HCN1: variants seen among roughly 807,000 people sequenced by gnomAD.
HCN1 encodes hyperpolarization activated cyclic nucleotide gated potassium channel 1.
A neutral mutation model predicts 78.9 loss-of-function variants in HCN1; 13 were observed. The ratio of observed to expected loss-of-function variants is 0.16; its 90% confidence interval spans 0.11 to 0.26. HCN1 has a LOEUF of 0.26. Ranked by LOEUF, HCN1 falls within the 10% of genes least tolerant of loss-of-function variation. The pLI, the probability that HCN1 is intolerant of heterozygous loss-of-function variation, is 1.00. For synonymous variants in HCN1, 552 were observed against 455.5 expected, an observed-to-expected ratio of 1.21 and a Z score of -2.70; for missense variants, 810 against 1,154.3, an observed-to-expected ratio of 0.70 and a Z score of 4.32.
chr5:45,277,795 T>C (rs1745094251), intron 6 of HCN1, among the ~76,000 whole-genome samples: 1 of 152,128 alleles, frequency 6.6e-6, no homozygotes, highest in African/African-American at 2.4e-5. Flanking sequence ...ACTCTTTCGA[T>C]GGGGATGCTT....
intron 3 of HCN1, among the ~76,000 whole-genome samples, chr5:45,405,743 A>G (rs1015011195): frequency 6.6e-6 from 1 of 152,118 alleles, no homozygotes; most frequent in African/African-American, 2.4e-5. Context: ...ATCTGCGTAA[A>G]AAACGTTTGT....
intron 2 of HCN1, among the ~76,000 whole-genome samples, chr5:45,496,392 G>A (rs183116211): frequency 0.01 from 1,567 of 151,470 alleles, 22 homozygotes; most frequent in Non-Finnish European, 0.015. Flanking sequence ...TTTGCGTAGA[G>A]GTGTTTGTAG....
intron 2 of HCN1, among the ~76,000 whole-genome samples, chr5:45,497,814 G>A (rs527323040): frequency 2.6e-5 from 4 of 152,192 alleles, no homozygotes; most frequent in East Asian, 3.8e-4. Context: ...TTGCTTGTCT[G>A]TAAAGGATTT....
chr5:45,655,973 C>T (rs1029850907), intron 1 of HCN1, among the ~76,000 whole-genome samples: 1 of 152,158 alleles, frequency 6.6e-6, no homozygotes, highest in African/African-American at 2.4e-5. Flanking sequence ...AATATGTACA[C>T]AGCAGGTATT....
At chr5:45,556,157 T>G (rs983708680) in intron 2 of HCN1, among the ~76,000 whole-genome samples, 4 of 151,970 alleles carry the variant, frequency 2.6e-5, no homozygotes, top group Non-Finnish European at 5.9e-5. Flanking sequence ...GGAAAAGATT[T>G]TTTGAGTAAT....
chr5:45,267,032 A>G (rs551923178), intron 7 of HCN1, 57 bp downstream of exon 7: 1 of 1,437,618 alleles, frequency 7.0e-7, no homozygotes, highest in Non-Finnish European at 9.8e-7. Context: ...ATAATTGCAA[A>G]CCTGTATTAT....
chr5:45,469,346 C>A (rs905633617), intron 2 of HCN1, among the ~76,000 whole-genome samples: 1 of 151,796 alleles, frequency 6.6e-6, no homozygotes, highest in African/African-American at 2.4e-5. Context: ...TTGGAAATGA[C>A]CCTACTAAGA....
intron 2 of HCN1, among the ~76,000 whole-genome samples, chr5:45,534,131 C>T (rs1004765258): frequency 2.6e-5 from 4 of 151,870 alleles, no homozygotes; most frequent in African/African-American, 9.7e-5. Context: ...TATGGTGGCT[C>T]ATGCCTGTAA....
At chr5:45,510,895 T>C (rs1742402836) in intron 2 of HCN1, among the ~76,000 whole-genome samples, 1 of 152,038 alleles carries the variant, frequency 6.6e-6, no homozygotes, top group African/African-American at 2.4e-5. Flanking sequence ...TTGGTGTCCA[T>C]ATCCAGTTAA....
intron 2 of HCN1, among the ~76,000 whole-genome samples, chr5:45,588,782 G>A (rs115552379): frequency 9.6e-4 from 146 of 152,170 alleles, no homozygotes; most frequent in Admixed American, 1.8e-3. Flanking sequence ...TAACAGTAAC[G>A]AATAAGAATG....
At chr5:45,671,424 T>C (rs2112075733) in intron 1 of HCN1, among the ~76,000 whole-genome samples, 1 of 151,454 alleles carries the variant, frequency 6.6e-6, no homozygotes, top group African/African-American at 2.4e-5. Context: ...TATATATAGC[T>C]ATAGATAATC....
rs1387682226 is a variant in HCN1, at chr5:45,593,312, TCTCTCTCTCC to T, written c.849+51863_849+51872del. ...TATATTCTCTCTCTCTCTCTCTCTC[TCTCTCTCTCC>T]CTCTCTCTCTCTCTCTCTCACACAC... On this transcript the variant is annotated intron_variant, in intron 2 of 7. Transcript: ENST00000303230. Among the ~76,000 whole-genome samples the T allele has an allele frequency of 1.4e-4, 6 of 42,176 alleles. No homozygotes were observed. The Admixed American group carries it at 1.6e-3, about 11-fold the overall frequency. The allele number at this position is 42,176 out of a possible 152,430, so 27.7% of individuals were successfully genotyped here. A position where few individuals can be genotyped will look rare whatever the true frequency, so the allele number is the denominator to read the frequency against.
intron 2 of HCN1, among the ~76,000 whole-genome samples, chr5:45,573,958 A>G (rs1743886575): frequency 6.6e-6 from 1 of 152,158 alleles, no homozygotes; most frequent in Non-Finnish European, 1.5e-5. Flanking sequence ...GTAAAAATTA[A>G]TAAATGTAAG....
At chr5:45,642,230 G>A (rs1745470425) in intron 2 of HCN1, 1 of 151,880 alleles carries the variant, frequency 6.6e-6, no homozygotes, top group Non-Finnish European at 1.5e-5. Flanking sequence ...TCTTATAATT[G>A]GTTCATGAAA....
chr5:45,439,019 A>G (rs1217894954), intron 3 of HCN1, among the ~76,000 whole-genome samples: 2 of 152,162 alleles, frequency 1.3e-5, no homozygotes, highest in Non-Finnish European at 2.9e-5. Context: ...AGACTCAACA[A>G]ATCTTTCTTT....
chr5:45,373,999 T>G (rs183428988), intron 4 of HCN1, among the ~76,000 whole-genome samples: 1 of 102,360 alleles, frequency 9.8e-6, no homozygotes, highest in Non-Finnish European at 1.8e-5. Context: ...ATATAATATA[T>G]ATTATATACA....
At chr5:45,424,209 C>CGT (rs1740291960) in intron 3 of HCN1, among the ~76,000 whole-genome samples, 1 of 151,474 alleles carries the variant, frequency 6.6e-6, no homozygotes. Flanking sequence ...AGGAGAATGG[C>CGT]GTGAACCCGG....
chr5:45,524,132 T>G (rs374378071), intron 2 of HCN1, among the ~76,000 whole-genome samples: 121 of 152,240 alleles, frequency 7.9e-4, no homozygotes, highest in African/African-American at 2.1e-3. Context: ...TTTCGCCATT[T>G]CTTGTTTTTC....
Position 45,692,588 on chromosome 5 carries a change from G to A in HCN1, c.425+3081C>T, listed in dbSNP as rs545775456. ...TTGGACTGCTTTTTACTCTCTGAAG[G>A]TTTCTATTGTCATCCTCTGCTGAGG... is the stretch of plus-strand genomic sequence containing the variant. On this transcript the variant is annotated intron_variant, in intron 1 of 7. Coordinates refer to ENST00000303230, the MANE Select transcript of HCN1 (RefSeq NM_021072.4). 2.0e-5 allele frequency among the ~76,000 whole-genome samples: 3 copies of A among 152,202 alleles called. No homozygotes were observed. The East Asian group carries it at 5.8e-4, about 29-fold the overall frequency.
Sources: gnomAD v4.1 joint callset for allele counts (sites outside exome capture counted in the v4.1 genomes callset) on GRCh38, gnomAD v4.1.1 for gene constraint, MANE v1.5 for transcripts, NCBI Gene and HGNC (gene_info 2026-07-23, HGNC 2026-07-21) for gene names.